ESRRB: variants seen among roughly 807,000 people sequenced by gnomAD.
ESRRB encodes steroid hormone receptor ERR2.
In ESRRB, 16 loss-of-function variants were observed where a neutral mutation model predicts 46.0. The ratio of observed to expected loss-of-function variants is 0.35; its 90% CI spans 0.24 to 0.53. The LOEUF (loss-of-function observed/expected upper bound fraction) is 0.53, where lower values mean the gene tolerates loss of function less well. Ranked by LOEUF, ESRRB falls within the 20% of genes least tolerant of loss-of-function variation. The pLI, the probability that ESRRB is intolerant of heterozygous loss-of-function variation, is 0.93. For missense variants in ESRRB, 488 were observed against 607.4 expected, an observed-to-expected ratio of 0.80 and a Z score of 2.07; for synonymous variants, 246 against 259.6, an observed-to-expected ratio of 0.95 and a Z score of 0.50.
intron 1 of ESRRB, among the ~76,000 whole-genome samples, chr14:76,354,232 C>G (rs1484130984): frequency 1.9e-5 from 2 of 103,970 alleles, no homozygotes; most frequent in African/African-American, 8.2e-5. Context: ...CCGCCCCCCC[C>G]CCCACCCACA....
At chr14:76,387,863 G>A (rs1885302932) in intron 1 of ESRRB, among the ~76,000 whole-genome samples, 1 of 152,216 alleles carries the variant, frequency 6.6e-6, no homozygotes, top group Non-Finnish European at 1.5e-5. Context: ...GGCCAGAGAT[G>A]GGCGATTGTA....
chr14:76,477,857 G>A (rs112584326), intron 3 of ESRRB, among the ~76,000 whole-genome samples: 1,545 of 152,284 alleles, frequency 0.01, 23 homozygotes, highest in Non-Finnish European at 0.014. Context: ...TTTGCTGTGC[G>A]CTGGGAGGTC....
intron 1 of ESRRB, among the ~76,000 whole-genome samples, chr14:76,352,000 A>AAAG (rs1480216730): frequency 6.6e-6 from 1 of 151,260 alleles, no homozygotes; most frequent in Non-Finnish European, 1.5e-5. Context: ...AAAAAAAAAA[A>AAAG]AAAAAAAAAG....
chr14:76,435,006 G>A (rs936683133), intron 1 of ESRRB, among the ~76,000 whole-genome samples: 3 of 152,192 alleles, frequency 2.0e-5, no homozygotes, highest in Non-Finnish European at 4.4e-5. Context: ...AATGGGACAG[G>A]CTCTGAGCTC....
intron 1 of ESRRB, among the ~76,000 whole-genome samples, chr14:76,351,059 C>T (rs1202287026): frequency 6.6e-6 from 1 of 152,170 alleles, no homozygotes; most frequent in Non-Finnish European, 1.5e-5. Flanking sequence ...GGGTAGATGT[C>T]ATTGAGGCCG....
At chr14:76,388,639 C>A (rs953607021) in intron 1 of ESRRB, among the ~76,000 whole-genome samples, 2 of 152,084 alleles carry the variant, frequency 1.3e-5, no homozygotes, top group Non-Finnish European at 2.9e-5. Flanking sequence ...CAGAGTCAGA[C>A]CTCTCATCCC....
At chr14:76,381,995 A>T (rs1011114329) in intron 1 of ESRRB, among the ~76,000 whole-genome samples, 11 of 152,170 alleles carry the variant, frequency 7.2e-5, no homozygotes, top group Admixed American at 1.3e-4. Flanking sequence ...AATATCATCA[A>T]GGGTCCTAAC....
chr14:76,430,251 G>T (rs1037327359), intron 1 of ESRRB, among the ~76,000 whole-genome samples: 1 of 152,222 alleles, frequency 6.6e-6, no homozygotes, highest in Non-Finnish European at 1.5e-5. Context: ...TTGCTGGAGG[G>T]TCTGAGGATC....
chr14:76,454,322 TACAG>T (rs1401702748), intron 2 of ESRRB, among the ~76,000 whole-genome samples: 1 of 152,262 alleles, frequency 6.6e-6, no homozygotes, highest in East Asian at 1.9e-4. Flanking sequence ...GTACTTGAGA[TACAG>T]AAATGAAAAA....
At chr14:76,384,173 A>G (rs1885127365) in intron 1 of ESRRB, among the ~76,000 whole-genome samples, 1 of 151,668 alleles carries the variant, frequency 6.6e-6, no homozygotes. Context: ...TTTTAGCTTC[A>G]CTCTTTGTCA....
chr14:76,364,525 C>T (rs565405772), intron 1 of ESRRB, among the ~76,000 whole-genome samples: 3 of 152,094 alleles, frequency 2.0e-5, no homozygotes, highest in Non-Finnish European at 4.4e-5. Context: ...CCCATCTCTA[C>T]TAAAAGAAAT....
At chr14:76,363,172 C>T (rs957733930) in intron 1 of ESRRB, among the ~76,000 whole-genome samples, 2 of 152,192 alleles carry the variant, frequency 1.3e-5, no homozygotes, top group African/African-American at 4.8e-5. Flanking sequence ...GAAAATAAAA[C>T]CACATATTTG....
At chr14:76,443,605 G>A (rs551859930) in intron 2 of ESRRB, among the ~76,000 whole-genome samples, 1 of 152,272 alleles carries the variant, frequency 6.6e-6, no homozygotes, top group South Asian at 2.1e-4. Context: ...GACTCTTTGA[G>A]GTCAGTTTTT....
At chr14:76,436,606 G>A (rs1235087520) in intron 1 of ESRRB, among the ~76,000 whole-genome samples, 1 of 152,182 alleles carries the variant, frequency 6.6e-6, no homozygotes, top group Non-Finnish European at 1.5e-5. Context: ...TGCCTGCCTC[G>A]TGGAAGGGTG....
chr14:76,498,646 T>TGGGGTTG lies in ESRRB; in HGVS notation c.*192_*193insTTGGGGG. On this transcript the variant is annotated 3_prime_UTR_variant, in exon 7 of 7. Transcript: ENST00000644823. ...GGTGCAGTGGGGTGGGGGACGGGGA[T>TGGGGTTG]GGGGGGGCAGGGGTGTGGGGCTCGA... 1 of 206,916 alleles carries TGGGGTTG rather than the reference T, an allele frequency of 4.8e-6. No individual in the cohort carries two copies. The highest frequency in any genetic ancestry group is 9.4e-6 in the Non-Finnish European group (1 of 106,222). 12.8% of individuals were successfully genotyped at this position (206,916 alleles called of 1,614,324 possible).
At chr14:76,311,425 T>C (rs1036280243) in intron 1 of ESRRB, among the ~76,000 whole-genome samples, 2 of 152,100 alleles carry the variant, frequency 1.3e-5, no homozygotes, top group Non-Finnish European at 2.9e-5. Context: ...ACCTGGGAGC[T>C]TCCAGGTTCA....
intron 2 of ESRRB, among the ~76,000 whole-genome samples, chr14:76,444,551 TTTTTG>T (rs1027353436): frequency 7.9e-5 from 12 of 151,874 alleles, no homozygotes; most frequent in African/African-American, 2.9e-4. Flanking sequence ...TGTGGGTTTT[TTTTTG>T]TTTTGTTTTT....
At chr14:76,474,523 T>C (rs1470934381) in intron 3 of ESRRB, among the ~76,000 whole-genome samples, 2 of 152,206 alleles carry the variant, frequency 1.3e-5, no homozygotes, top group Non-Finnish European at 2.9e-5. Flanking sequence ...TACAATTCAG[T>C]GACATCAAAC....
intron 1 of ESRRB, among the ~76,000 whole-genome samples, chr14:76,429,937 T>C (rs1887368552): frequency 6.6e-6 from 1 of 152,020 alleles, no homozygotes. Context: ...CACTTAACCA[T>C]TGGCCTACTT....
Sources: gnomAD v4.1 joint callset for allele counts (sites outside exome capture counted in the v4.1 genomes callset) on GRCh38, gnomAD v4.1.1 for gene constraint, MANE v1.5 for transcripts, NCBI Gene and HGNC (gene_info 2026-07-23, HGNC 2026-07-21) for gene names.